The following PHYHIPL variants were observed in gnomAD, a reference collection of about 807,000 sequenced individuals.
PHYHIPL encodes the protein phytanoyl-CoA hydroxylase-interacting protein-like.
PHYHIPL carries 9 observed loss-of-function variants against 33.4 expected under a neutral mutation model. That is an observed-to-expected ratio of 0.27 (90% CI 0.16 to 0.47). PHYHIPL has a LOEUF of 0.47. Ranked by LOEUF, PHYHIPL falls within the 20% of genes least tolerant of loss-of-function variation. The pLI is 0.99. For missense variants in PHYHIPL, 365 were observed against 460.7 expected (o/e 0.79, Z 1.90); for synonymous variants, 153 against 154.1 (o/e 0.99, Z 0.05).
intron 1 of PHYHIPL, among the ~76,000 whole-genome samples, chr10:59,212,245 C>T (rs1295931554): frequency 3.3e-5 from 5 of 152,162 alleles, no homozygotes; most frequent in African/African-American, 9.7e-5. Context: ...TAAGAAATAG[C>T]CTCTCTTTCT....
intron 1 of PHYHIPL, among the ~76,000 whole-genome samples, chr10:59,209,527 G>A (rs991448709): frequency 6.6e-6 from 1 of 152,058 alleles, no homozygotes; most frequent in Non-Finnish European, 1.5e-5. Flanking sequence ...CAACTAACAG[G>A]CAAAATAACC....
At chr10:59,190,630 T>C (rs1476014200) in intron 1 of PHYHIPL, among the ~76,000 whole-genome samples, 1 of 151,962 alleles carries the variant, frequency 6.6e-6, no homozygotes, top group Non-Finnish European at 1.5e-5. Context: ...ATTATAAGCT[T>C]GGTAATATTG....
At chr10:59,239,020 C>A (rs961068294) in intron 4 of PHYHIPL, among the ~76,000 whole-genome samples, 1 of 151,888 alleles carries the variant, frequency 6.6e-6, no homozygotes, top group African/African-American at 2.4e-5. Context: ...ATCATACTGA[C>A]TACTAATTTT....
chr10:59,242,269 C>T (rs1406403400), intron 4 of PHYHIPL, among the ~76,000 whole-genome samples: 1 of 152,124 alleles, frequency 6.6e-6, no homozygotes, highest in Non-Finnish European at 1.5e-5. Flanking sequence ...TATGTTAGCA[C>T]AGGCTTAGTG....
chr10:59,204,898 C>G (rs947993155), intron 1 of PHYHIPL, among the ~76,000 whole-genome samples: 3 of 139,644 alleles, frequency 2.1e-5, no homozygotes, highest in Admixed American at 1.5e-4. Flanking sequence ...AATTTTCGCT[C>G]TTATTGCTCT....
At chr10:59,198,762 TG>T (rs1839001864) in intron 1 of PHYHIPL, among the ~76,000 whole-genome samples, 2 of 152,190 alleles carry the variant, frequency 1.3e-5, no homozygotes, top group African/African-American at 4.8e-5. Flanking sequence ...TGGTGTGAGA[TG>T]GTATCTCATT....
chr10:59,179,182 A>G (rs1026409775), intron 1 of PHYHIPL, among the ~76,000 whole-genome samples: 2 of 152,210 alleles, frequency 1.3e-5, no homozygotes, highest in African/African-American at 4.8e-5. Flanking sequence ...TTAATAGAAC[A>G]GCATATGAAA....
Position 59,176,974 on chromosome 10 carries a change from G to A in PHYHIPL, c.106+15G>A. ...CGACCGGGACGGTAAGAGCGGCCGG[G>A]ACCGCGAGGAAAGGGACAGAGTTCG... is the stretch of plus-strand genomic sequence containing the variant. On this transcript the variant is annotated intron_variant, in intron 1 of 4. Coordinates refer to ENST00000373880, the MANE Select transcript of PHYHIPL (RefSeq NM_032439.4). 1 of 1,608,900 alleles carries A rather than the reference G, an allele frequency of 6.2e-7. No individual in the cohort carries two copies. Among genetic ancestry groups the A allele is most frequent in the Non-Finnish European group, 8.5e-7 (1 of 1,177,690 alleles).
intron 2 of PHYHIPL, 109 bp from the exon 3 acceptor site, chr10:59,236,374 C>T: frequency 5.5e-6 from 3 of 549,824 alleles, no homozygotes; most frequent in Non-Finnish European, 8.8e-6. Context: ...TCCTTCCCTC[C>T]TTCTCCCTTC....
chr10:59,235,587 CATT>C (rs1261568450), intron 2 of PHYHIPL, among the ~76,000 whole-genome samples: 1 of 151,786 alleles, frequency 6.6e-6, no homozygotes, highest in East Asian at 1.9e-4. Context: ...ATTGAGCAGT[CATT>C]ATTTTTTCTG....
Position 59,247,713 on chromosome 10 carries a change from T to C in PHYHIPL, c.*2122T>C. ...ATTCATAATACTCATCTGCCATTGG[T>C]ATCCTATCTTCCTTTTGTGGACTTC... On this transcript the variant is annotated 3_prime_UTR_variant, in exon 5 of 5. Transcript: ENST00000373880. 6.2e-7 allele frequency: 1 copy of C among 1,612,902 alleles called. No homozygotes were observed.
chr10:59,235,088 A>T (rs753688993), intron 2 of PHYHIPL, among the ~76,000 whole-genome samples: 1 of 151,866 alleles, frequency 6.6e-6, no homozygotes, highest in Admixed American at 6.6e-5. Context: ...ATAACTGCCA[A>T]ACAAGGAATC....
chr10:59,208,584 T>C (rs1245730508), intron 1 of PHYHIPL, among the ~76,000 whole-genome samples: 1 of 151,920 alleles, frequency 6.6e-6, no homozygotes, highest in East Asian at 1.9e-4. Context: ...GTTTGACAAA[T>C]TGACAGAAGT....
chr10:59,203,341 T>C (rs1839183173), intron 1 of PHYHIPL, among the ~76,000 whole-genome samples: 1 of 152,194 alleles, frequency 6.6e-6, no homozygotes. Flanking sequence ...AGTTCAACCA[T>C]TGTGGGAGAC....
chr10:59,197,532 T>A (rs1838952742), intron 1 of PHYHIPL, among the ~76,000 whole-genome samples: 1 of 152,202 alleles, frequency 6.6e-6, no homozygotes, highest in Non-Finnish European at 1.5e-5. Context: ...GAGTTTTCTT[T>A]CCAAAATTTC....
At chr10:59,231,392 C>T (rs1469222094) in intron 1 of PHYHIPL, among the ~76,000 whole-genome samples, 1 of 151,868 alleles carries the variant, frequency 6.6e-6, no homozygotes, top group Non-Finnish European at 1.5e-5. Context: ...TAAAAAAAGT[C>T]AAGGAGAGAA....
intron 4 of PHYHIPL, among the ~76,000 whole-genome samples, chr10:59,240,662 C>A (rs144515337): frequency 5.5e-4 from 84 of 152,026 alleles, no homozygotes; most frequent in African/African-American, 1.9e-3. Context: ...CAAAAAAAAC[C>A]CCTCCATATT....
chr10:59,177,635 G>C (rs756094872), intron 1 of PHYHIPL: 1 of 1,551,466 alleles, frequency 6.4e-7, no homozygotes, highest in South Asian at 1.2e-5. Context: ...ACCATTGCGT[G>C]TTGATATTAT....
chr10:59,186,105 C>T (rs1158233248), intron 1 of PHYHIPL, among the ~76,000 whole-genome samples: 1 of 152,148 alleles, frequency 6.6e-6, no homozygotes, highest in Admixed American at 6.5e-5. Flanking sequence ...TTAGGTCTAA[C>T]ATTTAAGTCT....
Sources: allele counts gnomAD v4.1 joint callset (sites outside exome capture counted in the v4.1 genomes callset), GRCh38; gene constraint gnomAD v4.1.1; transcripts MANE v1.5; gene names NCBI Gene and HGNC (gene_info 2026-07-23, HGNC 2026-07-21).